ERBB4: variants seen among roughly 807,000 people sequenced by gnomAD.
The protein encoded by ERBB4 is erb-b2 receptor tyrosine kinase 4.
In ERBB4, 42 loss-of-function variants were observed where a neutral mutation model predicts 158.0. The observed-to-expected ratio is 0.27, with a 90% CI of 0.21 to 0.34. The LOEUF (loss-of-function observed/expected upper bound fraction) is 0.34. Ranked by LOEUF, ERBB4 falls within the 10% of genes least tolerant of loss-of-function variation. ERBB4 has a pLI of 1.00. For synonymous variants in ERBB4, 583 were observed against 558.7 expected, an observed-to-expected ratio of 1.04 and a Z score of -0.61; for missense variants, 1,333 against 1,624.1, an observed-to-expected ratio of 0.82 and a Z score of 3.08.
At chr2:212,223,464 T>C (rs1439470542) in intron 1 of ERBB4, among the ~76,000 whole-genome samples, 1 of 149,364 alleles carries the variant, frequency 6.7e-6, no homozygotes. Context: ...AAGGTACTTC[T>C]TGTCCTCCTG....
At chr2:212,048,639 G>A (rs1207265196) in intron 2 of ERBB4, among the ~76,000 whole-genome samples, 1 of 152,140 alleles carries the variant, frequency 6.6e-6, no homozygotes, top group Non-Finnish European at 1.5e-5. Flanking sequence ...GGGGAAAGAG[G>A]AGTTGAGAAT....
chr2:212,216,982 C>T (rs1361834548), intron 1 of ERBB4, among the ~76,000 whole-genome samples: 1 of 151,382 alleles, frequency 6.6e-6, no homozygotes, highest in Admixed American at 6.6e-5. Context: ...CTTGCAATAT[C>T]CTTCACATGT....
intron 1 of ERBB4, among the ~76,000 whole-genome samples, chr2:212,256,909 AT>A (rs2084759547): frequency 6.6e-6 from 1 of 152,194 alleles, no homozygotes; most frequent in Non-Finnish European, 1.5e-5. Flanking sequence ...CGTTTGTGTT[AT>A]TTAAATAATT....
At chr2:212,421,435 T>C (rs1373563424) in intron 1 of ERBB4, among the ~76,000 whole-genome samples, 3 of 152,128 alleles carry the variant, frequency 2.0e-5, no homozygotes, top group Non-Finnish European at 2.9e-5. Flanking sequence ...ACAATTTCAA[T>C]TGACTTAACA....
At chr2:212,130,946 TTTC>T (rs1288374728) in intron 1 of ERBB4, among the ~76,000 whole-genome samples, 1 of 152,222 alleles carries the variant, frequency 6.6e-6, no homozygotes, top group Non-Finnish European at 1.5e-5. Context: ...CAATAAGTAC[TTTC>T]CTTTTCAGAA....
At chr2:211,406,411 C>A (rs2063148645) in intron 25 of ERBB4, among the ~76,000 whole-genome samples, 2 of 152,114 alleles carry the variant, frequency 1.3e-5, no homozygotes, top group Non-Finnish European at 2.9e-5. Flanking sequence ...ATTTCTAAGT[C>A]TGAATTAATG....
chr2:212,020,055 T>A (rs2076615157), intron 2 of ERBB4, among the ~76,000 whole-genome samples: 1 of 152,144 alleles, frequency 6.6e-6, no homozygotes, highest in Non-Finnish European at 1.5e-5. Flanking sequence ...TAGATACTCA[T>A]AGAGAAAATT....
At chr2:212,124,260 C>T (rs766088877) in intron 2 of ERBB4, among the ~76,000 whole-genome samples, 1 of 152,036 alleles carries the variant, frequency 6.6e-6, no homozygotes, top group Non-Finnish European at 1.5e-5. Flanking sequence ...TCCTATGAGT[C>T]TACTTTAAAT....
intron 1 of ERBB4, among the ~76,000 whole-genome samples, chr2:212,191,706 TTA>T (rs2082225231): frequency 6.9e-6 from 1 of 145,268 alleles, no homozygotes; most frequent in Non-Finnish European, 1.5e-5. Flanking sequence ...ATAACACGTG[TTA>T]TACATGTTAC....
chr2:211,590,791 G>A (rs1212401394), intron 19 of ERBB4, among the ~76,000 whole-genome samples: 1 of 152,182 alleles, frequency 6.6e-6, no homozygotes, highest in Non-Finnish European at 1.5e-5. Flanking sequence ...TAGGCAGCAA[G>A]TAAGGCGAAC....
chr2:211,612,939 G>A (rs537103096), intron 19 of ERBB4, among the ~76,000 whole-genome samples: 1 of 152,112 alleles, frequency 6.6e-6, no homozygotes, highest in African/African-American at 2.4e-5. Context: ...CAAATTTCTG[G>A]TAGGGACAAT....
rs755701578 is a variant in ERBB4 at position 212,422,676 on chromosome 2, T to C, written c.82+115773A>G. Reference sequence around the variant, plus strand: ...CCTTTTACTGTGAGAGCGAAGCTCTTATGGAGTTCTACCTCATCAGTGATC... The same window carrying C: ...CCTTTTACTGTGAGAGCGAAGCTCTCATGGAGTTCTACCTCATCAGTGATC... On this transcript the variant is annotated intron_variant, in intron 1 of 27. Transcript: ENST00000342788. 1.2e-3 allele frequency among the ~76,000 whole-genome samples: 188 copies of C among 152,380 alleles called. 1 individual carries two copies. The highest frequency in any genetic ancestry group is 3.4e-3 in the Middle Eastern group (1 of 294).
chr2:212,148,835 A>G (rs1358965587), intron 1 of ERBB4, among the ~76,000 whole-genome samples: 1 of 145,020 alleles, frequency 6.9e-6, no homozygotes, highest in Non-Finnish European at 1.5e-5. Flanking sequence ...CTATGCAGCC[A>G]TAAAAAATGA....
chr2:212,168,368 T>A (rs2125665645), intron 1 of ERBB4, among the ~76,000 whole-genome samples: 1 of 152,272 alleles, frequency 6.6e-6, no homozygotes, highest in East Asian at 1.9e-4. Context: ...TCATTAGAAT[T>A]ATTCTTCTTG....
intron 1 of ERBB4, among the ~76,000 whole-genome samples, chr2:212,297,042 A>G (rs2086439434): frequency 6.6e-6 from 1 of 151,924 alleles, no homozygotes; most frequent in African/African-American, 2.4e-5. Flanking sequence ...TCTCTTTTAT[A>G]CAAGAACCCT....
At chr2:211,399,365 T>G (rs956658096) in intron 25 of ERBB4, among the ~76,000 whole-genome samples, 4 of 152,140 alleles carry the variant, frequency 2.6e-5, no homozygotes, top group Admixed American at 1.3e-4. Context: ...AAGGAGAGAT[T>G]AAAAAATGTC....
chr2:211,789,631 T>C (rs1011726982), intron 3 of ERBB4, among the ~76,000 whole-genome samples: 1 of 152,150 alleles, frequency 6.6e-6, no homozygotes, highest in African/African-American at 2.4e-5. Context: ...GAAATATTGC[T>C]ACTGGGACAA....
At chr2:212,530,718 C>G in intron 1 of ERBB4, among the ~76,000 whole-genome samples, 1 of 152,086 alleles carries the variant, frequency 6.6e-6, no homozygotes, top group East Asian at 1.9e-4. Flanking sequence ...GGTTTATGAT[C>G]CCCACTTGTA....
intron 20 of ERBB4, among the ~76,000 whole-genome samples, chr2:211,536,912 G>C (rs2066670312): frequency 6.6e-6 from 1 of 151,232 alleles, no homozygotes; most frequent in Admixed American, 6.6e-5. Context: ...AACCTAGTAA[G>C]GTAGAGCAGG....
Sources: gnomAD v4.1 joint callset for allele counts (sites outside exome capture counted in the v4.1 genomes callset) on GRCh38, gnomAD v4.1.1 for gene constraint, MANE v1.5 for transcripts, NCBI Gene and HGNC (gene_info 2026-07-23, HGNC 2026-07-21) for gene names.